The following MTFR1L variants were observed in gnomAD, a reference collection of about 807,000 sequenced individuals.
The protein encoded by MTFR1L is mitochondrial fission regulator 1-like.
In MTFR1L, 10 loss-of-function variants were observed where a neutral mutation model predicts 27.9. That is an observed-to-expected ratio of 0.36 (90% CI 0.22 to 0.61). MTFR1L has a LOEUF of 0.61. Ranked by LOEUF, MTFR1L falls within the 20% of genes least tolerant of loss-of-function variation. The pLI is 0.73. For missense variants in MTFR1L, 315 were observed against 363.7 expected, an observed-to-expected ratio of 0.87 and a Z score of 1.09; for synonymous variants, 151 against 139.4, an observed-to-expected ratio of 1.08 and a Z score of -0.58.
Position 25,832,561 on chromosome 1 carries a change from G to GTAGA in MTFR1L, c.*536_*539dup. The GTAGA allele has an allele frequency of 5.0e-6, 1 of 201,128 alleles. No homozygotes were observed. Among genetic ancestry groups the GTAGA allele is most frequent in the East Asian group, 1.1e-4 (1 of 9,188 alleles). 12.5% of individuals were successfully genotyped at this position (201,128 alleles called of 1,614,324 possible). On this transcript the variant is annotated 3_prime_UTR_variant, in exon 7 of 7. Coordinates refer to ENST00000374303, the MANE Select transcript of MTFR1L (RefSeq NM_001099625.2). The stretch of plus-strand genomic sequence containing the variant: ...ACCCTCCTCACTTCCTTGTCTAGAT[G>GTAGA]TAGAGGTCAGGCTGCTGAACCAGCC...
At chr1:25,828,372 C>A (rs570334253) in intron 5 of MTFR1L, among the ~76,000 whole-genome samples, 1 of 152,190 alleles carries the variant, frequency 6.6e-6, no homozygotes, top group African/African-American at 2.4e-5. Flanking sequence ...CACCTGAGGT[C>A]AGGAGTTCGA....
chr1:25,832,410 C>CTG lies in MTFR1L; in HGVS notation c.*385_*386insGT, dbSNP rs2048257729. The CTG allele has an allele frequency of 2.7e-6, 1 of 363,644 alleles. No homozygotes were observed. The highest frequency in any genetic ancestry group is 4.2e-5 in the East Asian group (1 of 23,864). The allele number at this position is 363,644 out of a possible 1,614,324, so 22.5% of individuals were successfully genotyped here. On this transcript the variant is annotated 3_prime_UTR_variant, in exon 7 of 7. Coordinates refer to ENST00000374303, the MANE Select transcript of MTFR1L (RefSeq NM_001099625.2). Reference sequence around the variant, plus strand: ...ACACTTTGTGCCCAGCTGTCACTCACTCAGCAGCTTCCTTGCAGCAGAGCA... The same window carrying CTG: ...ACACTTTGTGCCCAGCTGTCACTCACTGTCAGCAGCTTCCTTGCAGCAGAGCA...
At chr1:25,822,413 G>A (rs570426025) in intron 1 of MTFR1L, 1 of 155,454 alleles carries the variant, frequency 6.4e-6, no homozygotes, top group South Asian at 2.1e-4. Flanking sequence ...AATTTGGCTA[G>A]ATGAGCTTTG....
At chr1:25,829,085 A>G (rs1288664592) in intron 5 of MTFR1L, among the ~76,000 whole-genome samples, 1 of 152,228 alleles carries the variant, frequency 6.6e-6, no homozygotes, top group Non-Finnish European at 1.5e-5. Flanking sequence ...TGCTCAGAAC[A>G]TGTCTTCTAG....
In MTFR1L at chr1:25,832,375, G is replaced by C. The variant is rs2048256979; in HGVS notation, c.*349G>C. 2 of 563,666 alleles carry C rather than the reference G, an allele frequency of 3.5e-6. No individual in the cohort carries two copies. Among genetic ancestry groups the C allele is most frequent in the South Asian group, 4.2e-5 (2 of 47,642 alleles). The allele number at this position is 563,666 out of a possible 1,614,324, so 34.9% of individuals were successfully genotyped here. On this transcript the variant is annotated 3_prime_UTR_variant, in exon 7 of 7. Coordinates refer to ENST00000374303, the MANE Select transcript of MTFR1L (RefSeq NM_001099625.2). ...TTCACTGCATTAGACCCTATAGCTG[G>C]TCTCACAAGACACTTTGTGCCCAGC...
chr1:25,824,539 G>T (rs577461740), intron 3 of MTFR1L, among the ~76,000 whole-genome samples: 1 of 152,216 alleles, frequency 6.6e-6, no homozygotes, highest in African/African-American at 2.4e-5. Flanking sequence ...GGCCCAGGTA[G>T]AAACAGAAAT....
chr1:25,824,496 GA>G (rs1196490383), intron 3 of MTFR1L, among the ~76,000 whole-genome samples: 1 of 152,202 alleles, frequency 6.6e-6, no homozygotes, highest in Non-Finnish European at 1.5e-5. Flanking sequence ...TACCCACACA[GA>G]GGAGATAGAA....
intron 6 of MTFR1L, among the ~76,000 whole-genome samples, chr1:25,830,804 C>G (rs1236345095): frequency 6.6e-6 from 1 of 152,150 alleles, no homozygotes; most frequent in Non-Finnish European, 1.5e-5. Context: ...AAAAGTAGAC[C>G]AGGCTAAGTG....
intron 2 of MTFR1L, chr1:25,823,386 A>G: frequency 1.4e-6 from 1 of 721,740 alleles, no homozygotes; most frequent in Non-Finnish European, 2.5e-6. Flanking sequence ...ACACTCAGCT[A>G]CTTCCTCTCC....
At chr1:25,828,372 C>T (rs570334253) in intron 5 of MTFR1L, among the ~76,000 whole-genome samples, 2 of 152,308 alleles carry the variant, frequency 1.3e-5, no homozygotes, top group East Asian at 3.9e-4. Context: ...CACCTGAGGT[C>T]AGGAGTTCGA....
At chr1:25,828,305 G>A (rs906482905) in intron 5 of MTFR1L, among the ~76,000 whole-genome samples, 3 of 152,180 alleles carry the variant, frequency 2.0e-5, no homozygotes, top group African/African-American at 4.8e-5. Context: ...TACAGTGGTC[G>A]GGCACTGTGG....
intron 6 of MTFR1L, among the ~76,000 whole-genome samples, chr1:25,830,348 G>A (rs371627438): frequency 1.3e-4 from 20 of 152,294 alleles, no homozygotes; most frequent in African/African-American, 4.6e-4. Context: ...CAGTAGTTCC[G>A]AAACCTAGCT....
intron 3 of MTFR1L, among the ~76,000 whole-genome samples, chr1:25,824,071 C>T (rs758857641): frequency 7.9e-5 from 12 of 152,116 alleles, no homozygotes; most frequent in Non-Finnish European, 1.5e-4. Flanking sequence ...GATGAGGTCT[C>T]CCTATGTTGC....
chr1:25,823,259 C>A, intron 2 of MTFR1L, 131 bp downstream of exon 2: 2 of 961,260 alleles, frequency 2.1e-6, no homozygotes, highest in Non-Finnish European at 3.4e-6. Context: ...TGGAGCAAGG[C>A]CACCGTTTCA....
At chr1:25,829,475 A>T in intron 5 of MTFR1L, 34 bp from the exon 6 acceptor site, 1 of 1,585,110 alleles carries the variant, frequency 6.3e-7, no homozygotes, top group Non-Finnish European at 8.6e-7. Flanking sequence ...TTCTAGCCCC[A>T]ATGTCCACCC....
At chr1:25,829,975 G>A (rs1266439550) in intron 6 of MTFR1L, 145 bp downstream of exon 6, 7 of 897,698 alleles carry the variant, frequency 7.8e-6, no homozygotes, top group South Asian at 5.5e-5. Flanking sequence ...CTGCTTGCCA[G>A]TGCCTGGGGC....
At chr1:25,820,462 C>T (rs1175399779) in intron 1 of MTFR1L, 1 of 381,506 alleles carries the variant, frequency 2.6e-6, no homozygotes, top group South Asian at 1.9e-5. Flanking sequence ...TGGCGGGTCC[C>T]CGCGGGGAGA....
intron 1 of MTFR1L, chr1:25,822,087 T>C (rs2048101449): frequency 6.6e-6 from 1 of 152,250 alleles, no homozygotes; most frequent in Non-Finnish European, 1.5e-5. Flanking sequence ...GTTTTAACAG[T>C]TCATTAAGCA....
chr1:25,823,034 G>C lies in MTFR1L; in HGVS notation c.-71G>C. ...GCTCCTCCAGATGGCCTGATATGAA[G>C]GAGTCACGCCTCCCGCCTCCCGGAG... On this transcript the variant is annotated 5_prime_UTR_variant, in exon 2 of 7. Transcript: ENST00000374303. The C allele has an allele frequency of 6.2e-7, 1 of 1,613,784 alleles. No individual in the cohort carries two copies. Among genetic ancestry groups the C allele is most frequent in the Non-Finnish European group, 8.5e-7 (1 of 1,179,908 alleles).
Sources: gnomAD v4.1 joint callset for allele counts (sites outside exome capture counted in the v4.1 genomes callset) on GRCh38, gnomAD v4.1.1 for gene constraint, MANE v1.5 for transcripts, NCBI Gene and HGNC (gene_info 2026-07-23, HGNC 2026-07-21) for gene names.